ADGRL3: variants seen among roughly 807,000 people sequenced by gnomAD.
ADGRL3 encodes adhesion G protein-coupled receptor L3, also known as calcium-independent alpha-latrotoxin receptor 3.
A neutral mutation model predicts 153.5 loss-of-function variants in ADGRL3; 62 were observed. The ratio of observed to expected loss-of-function variants is 0.40; its 90% confidence interval spans 0.33 to 0.50. The LOEUF (loss-of-function observed/expected upper bound fraction) is 0.50, where lower values mean the gene tolerates loss of function less well. ADGRL3 is among the 20% of genes least tolerant of loss of function. The probability of loss-of-function intolerance (pLI) is 0.47; values close to 1 mark genes in which losing one functional copy is unlikely to be tolerated. For synonymous variants in ADGRL3, 710 were observed against 672.5 expected (o/e 1.06, Z -0.86); for missense variants, 1,641 against 1,859.4 (o/e 0.88, Z 2.16).
intron 9 of ADGRL3, among the ~76,000 whole-genome samples, chr4:61,846,341 A>G (rs2098116399): frequency 6.6e-6 from 1 of 152,010 alleles, no homozygotes; most frequent in African/African-American, 2.4e-5. Flanking sequence ...TTCATAAAGT[A>G]CTTTTTATTA....
At chr4:61,911,326 T>C (rs1457888295) in intron 12 of ADGRL3, among the ~76,000 whole-genome samples, 2 of 152,218 alleles carry the variant, frequency 1.3e-5, no homozygotes, top group African/African-American at 2.4e-5. Context: ...GCTTGCCTAC[T>C]CTGAATATCA....
chr4:61,844,301 A>G (rs1458380005), intron 9 of ADGRL3, among the ~76,000 whole-genome samples: 3 of 150,314 alleles, frequency 2.0e-5, no homozygotes, highest in Non-Finnish European at 4.4e-5. Flanking sequence ...TAATCCCAGC[A>G]CTTTGGGAGG....
chr4:61,651,704 T>C (rs2150391877), intron 5 of ADGRL3, among the ~76,000 whole-genome samples: 1 of 151,982 alleles, frequency 6.6e-6, no homozygotes, highest in Non-Finnish European at 1.5e-5. Flanking sequence ...GCCTCCTGTG[T>C]TCAAGCAATT....
intron 1 of ADGRL3, among the ~76,000 whole-genome samples, chr4:61,215,450 T>C (rs913229722): frequency 6.6e-6 from 1 of 152,254 alleles, no homozygotes; most frequent in South Asian, 2.1e-4. Flanking sequence ...TCCTGGGTTT[T>C]AGTTTCCTTA....
Position 61,463,990 on chromosome 4 carries a change from C to G in ADGRL3, c.-173-33131C>G, listed in dbSNP as rs142127532. On this transcript the variant is annotated intron_variant, in intron 2 of 26. Transcript: ENST00000683033. ...TACTGCAGGGCTCAACAGACATTCC[C>G]CAAAGGGCCAGAGAATATCTCTATT... Among the ~76,000 whole-genome samples the G allele has an allele frequency of 1.1e-4, 16 of 152,224 alleles. No individual in the cohort carries two copies. The East Asian group carries it at 3.1e-3, about 29-fold the overall frequency.
chr4:61,906,450 C>T (rs1422522222), intron 11 of ADGRL3: 1 of 152,048 alleles, frequency 6.6e-6, no homozygotes, highest in East Asian at 1.9e-4. Context: ...TATGAATCTG[C>T]CTGCAGAGTT....
chr4:61,264,952 G>A (rs888136089), intron 1 of ADGRL3, among the ~76,000 whole-genome samples: 3 of 152,042 alleles, frequency 2.0e-5, no homozygotes, highest in African/African-American at 7.2e-5. Flanking sequence ...GGCATCTTGT[G>A]TGTTTCGTGG....
intron 1 of ADGRL3, among the ~76,000 whole-genome samples, chr4:61,378,388 G>A (rs1471568073): frequency 6.6e-6 from 1 of 151,840 alleles, no homozygotes; most frequent in Non-Finnish European, 1.5e-5. Flanking sequence ...CCTTTCTTGG[G>A]GCCATTGGCT....
chr4:61,228,240 G>C (rs1577914724), intron 1 of ADGRL3, among the ~76,000 whole-genome samples: 1 of 152,120 alleles, frequency 6.6e-6, no homozygotes, highest in East Asian at 1.9e-4. Context: ...GAATGATGAT[G>C]TCCTTTTCTT....
intron 2 of ADGRL3, among the ~76,000 whole-genome samples, chr4:61,386,822 G>A (rs796527881): frequency 1.2e-4 from 18 of 152,264 alleles, no homozygotes; most frequent in African/African-American, 3.6e-4. Flanking sequence ...TGGACAAAAT[G>A]TATGTATTTC....
At chr4:61,547,254 G>T (rs902118684) in intron 4 of ADGRL3, among the ~76,000 whole-genome samples, 3 of 151,290 alleles carry the variant, frequency 2.0e-5, no homozygotes, top group Admixed American at 2.0e-4. Context: ...ATAATTTTCT[G>T]GGTTTTTTGG....
At chr4:61,314,870 G>A (rs1560463537) in intron 1 of ADGRL3, among the ~76,000 whole-genome samples, 1 of 152,182 alleles carries the variant, frequency 6.6e-6, no homozygotes, top group Non-Finnish European at 1.5e-5. Flanking sequence ...TAGTCTTGTG[G>A]TTAAGAAATT....
At chr4:61,859,455 T>C (rs949963908) in intron 9 of ADGRL3, among the ~76,000 whole-genome samples, 1 of 152,216 alleles carries the variant, frequency 6.6e-6, no homozygotes, top group Admixed American at 6.5e-5. Flanking sequence ...GTTTTTGTTT[T>C]CATAATTCTG....
At chr4:61,960,704 G>C (rs1181700421) in intron 17 of ADGRL3, among the ~76,000 whole-genome samples, 1 of 151,864 alleles carries the variant, frequency 6.6e-6, no homozygotes, top group East Asian at 1.9e-4. Flanking sequence ...AGTGTTTTTT[G>C]TTTTGTTTTG....
At chr4:61,206,262 G>T (rs1271055687) in intron 1 of ADGRL3, among the ~76,000 whole-genome samples, 1 of 152,150 alleles carries the variant, frequency 6.6e-6, no homozygotes, top group African/African-American at 2.4e-5. Context: ...TATTATTCAA[G>T]AATTTAAATG....
intron 2 of ADGRL3, among the ~76,000 whole-genome samples, chr4:61,422,834 T>A (rs538702577): frequency 6.6e-6 from 1 of 151,688 alleles, no homozygotes; most frequent in South Asian, 2.1e-4. Flanking sequence ...TATATATTCT[T>A]AGAAATATGT....
At chr4:61,387,272 G>T (rs1407269617) in intron 2 of ADGRL3, among the ~76,000 whole-genome samples, 3 of 152,132 alleles carry the variant, frequency 2.0e-5, no homozygotes, top group Non-Finnish European at 4.4e-5. Flanking sequence ...AAGGCAAGTG[G>T]AGGCAGGGCA....
chr4:61,681,666 A>T (rs550023634), intron 6 of ADGRL3, among the ~76,000 whole-genome samples: 2 of 152,008 alleles, frequency 1.3e-5, no homozygotes, highest in African/African-American at 4.8e-5. Context: ...CTGTTTCATC[A>T]TTTTTACTAA....
chr4:61,478,285 T>G (rs2098088979), intron 2 of ADGRL3, among the ~76,000 whole-genome samples: 1 of 152,096 alleles, frequency 6.6e-6, no homozygotes, highest in South Asian at 2.1e-4. Flanking sequence ...GGTATGTGTT[T>G]GTTTAAAAGC....
Sources: gnomAD v4.1 joint callset for allele counts (sites outside exome capture counted in the v4.1 genomes callset) on GRCh38, gnomAD v4.1.1 for gene constraint, MANE v1.5 for transcripts, NCBI Gene and HGNC (gene_info 2026-07-23, HGNC 2026-07-21) for gene names.